The following STIM1 variants were observed in gnomAD, a reference collection of about 807,000 sequenced individuals.
STIM1 encodes stromal interaction molecule 1.
Under a neutral mutation model 74.7 loss-of-function variants are expected in STIM1, and 25 were observed. That is an observed-to-expected ratio of 0.33 (90% CI 0.24 to 0.47). The LOEUF (loss-of-function observed/expected upper bound fraction) is 0.47, where lower values mean the gene tolerates loss of function less well. STIM1 is among the 20% of genes least tolerant of loss of function. The pLI is 1.00. For missense variants in STIM1, 728 were observed against 920.8 expected, an observed-to-expected ratio of 0.79 and a Z score of 2.71; for synonymous variants, 328 against 348.8, an observed-to-expected ratio of 0.94 and a Z score of 0.66.
intron 2 of STIM1, among the ~76,000 whole-genome samples, chr11:3,972,284 CTT>C (rs1041108216): frequency 1.3e-5 from 2 of 152,110 alleles, no homozygotes; most frequent in Admixed American, 6.5e-5. Context: ...TGAAGTAAGT[CTT>C]TATTCCTACA....
At chr11:4,011,085 A>G (rs952900419) in intron 2 of STIM1, among the ~76,000 whole-genome samples, 1 of 152,180 alleles carries the variant, frequency 6.6e-6, no homozygotes, top group Non-Finnish European at 1.5e-5. Context: ...TCCATGGTGT[A>G]TATATGCCAC....
In STIM1 at chr11:3,927,769, A is replaced by G. The variant is rs114876459; in HGVS notation, c.140-39783A>G. ...GTTTTAGGCGTTGTTCTCGGCATCA[A>G]TCCCTGGTTTTTCACTTCTCCTTGT... is the stretch of plus-strand genomic sequence containing the variant. On this transcript the variant is annotated intron_variant, in intron 1 of 12. Coordinates refer to ENST00000526596, the MANE Select transcript of STIM1 (RefSeq NM_001382567.1). Among the ~76,000 whole-genome samples, 175 of 152,268 alleles carry G rather than the reference A, an allele frequency of 1.1e-3. 1 individual carries two copies. The highest frequency in any genetic ancestry group is 4.0e-3 in the African/African-American group (165 of 41,544).
chr11:3,900,926 C>T (rs184132868), intron 1 of STIM1, among the ~76,000 whole-genome samples: 1 of 152,198 alleles, frequency 6.6e-6, no homozygotes, highest in Non-Finnish European at 1.5e-5. Flanking sequence ...CACGGTGGCT[C>T]ACACCTGTAA....
At chr11:3,915,922 C>T (rs898551909) in intron 1 of STIM1, among the ~76,000 whole-genome samples, 6 of 151,940 alleles carry the variant, frequency 3.9e-5, no homozygotes, top group African/African-American at 7.2e-5. Flanking sequence ...AGCCAGGTTT[C>T]GTGCTGCATG....
At chr11:4,061,973 G>A (rs2094333978) in intron 5 of STIM1, among the ~76,000 whole-genome samples, 1 of 152,068 alleles carries the variant, frequency 6.6e-6, no homozygotes, top group South Asian at 2.1e-4. Flanking sequence ...GGTTGGCAGG[G>A]GTTGGTGGGA....
chr11:3,991,314 C>T (rs575382925), intron 2 of STIM1, among the ~76,000 whole-genome samples: 1 of 151,706 alleles, frequency 6.6e-6, no homozygotes, highest in South Asian at 2.1e-4. Context: ...GAACTACAGG[C>T]ATGCACCACT....
chr11:4,068,997 G>A (rs2094386344), intron 5 of STIM1, among the ~76,000 whole-genome samples: 1 of 152,164 alleles, frequency 6.6e-6, no homozygotes, highest in South Asian at 2.1e-4. Context: ...TGCACAGAGG[G>A]TCATTAGCCC....
At chr11:4,035,144 T>G (rs2094087641) in intron 3 of STIM1, among the ~76,000 whole-genome samples, 1 of 152,112 alleles carries the variant, frequency 6.6e-6, no homozygotes, top group Non-Finnish European at 1.5e-5. Context: ...TTTTTTAGTT[T>G]GGTAAGGTGA....
intron 3 of STIM1, among the ~76,000 whole-genome samples, chr11:4,045,367 A>G (rs2133022532): frequency 6.6e-6 from 1 of 152,232 alleles, no homozygotes; most frequent in Non-Finnish European, 1.5e-5. Context: ...ACTCCAGACC[A>G]TAGTAAATGA....
At chr11:3,948,021 T>C (rs571339089) in intron 1 of STIM1, among the ~76,000 whole-genome samples, 1 of 152,130 alleles carries the variant, frequency 6.6e-6, no homozygotes, top group East Asian at 1.9e-4. Context: ...GACACTCAAG[T>C]TCCATTCTAG....
At chr11:4,033,793 G>A (rs961037181) in intron 3 of STIM1, among the ~76,000 whole-genome samples, 3 of 151,364 alleles carry the variant, frequency 2.0e-5, no homozygotes, top group African/African-American at 7.3e-5. Context: ...TAGAGACGGG[G>A]TTTCACCGTG....
intron 7 of STIM1, among the ~76,000 whole-genome samples, chr11:4,079,249 C>T (rs959031197): frequency 2.0e-5 from 3 of 151,420 alleles, no homozygotes; most frequent in Non-Finnish European, 2.9e-5. Context: ...TGAGAGATCG[C>T]GCCACTGCAC....
rs909567850 is a variant in STIM1 at position 3,950,534 on chromosome 11, A to G, written c.140-17018A>G. ...ATATGGGCTGCTTCCAGTTTTGGGTATTACAAATAAAGCTTCTGTGAGCAT... is the reference window on the plus strand; with the variant it reads ...ATATGGGCTGCTTCCAGTTTTGGGTGTTACAAATAAAGCTTCTGTGAGCAT... On this transcript the variant is annotated intron_variant, in intron 1 of 12. Coordinates refer to ENST00000526596, the MANE Select transcript of STIM1 (RefSeq NM_001382567.1). Among the ~76,000 whole-genome samples the G allele has an allele frequency of 5.1e-4, 78 of 152,200 alleles. 1 individual carries two copies. The highest frequency in any genetic ancestry group is 1.8e-3 in the African/African-American group (75 of 41,454).
chr11:3,870,943 G>A (rs183365060), intron 1 of STIM1, among the ~76,000 whole-genome samples: 1,920 of 148,250 alleles, frequency 0.013, 43 homozygotes, highest in African/African-American at 0.045. Context: ...TGCGATCTCG[G>A]CTCACTGCAA....
At chr11:3,861,123 G>A (rs958104906) in intron 1 of STIM1, among the ~76,000 whole-genome samples, 3 of 152,024 alleles carry the variant, frequency 2.0e-5, no homozygotes, top group African/African-American at 7.2e-5. Flanking sequence ...TGGTTTCACT[G>A]TTTGGTAGCT....
chr11:4,043,326 A>G (rs1053331786), intron 3 of STIM1, among the ~76,000 whole-genome samples: 1 of 152,192 alleles, frequency 6.6e-6, no homozygotes, highest in Non-Finnish European at 1.5e-5. Context: ...ACCAGGGTAT[A>G]TCTTTACTAC....
At chr11:4,004,896 A>C (rs1341542643) in intron 2 of STIM1, among the ~76,000 whole-genome samples, 5 of 152,228 alleles carry the variant, frequency 3.3e-5, no homozygotes, top group Non-Finnish European at 5.9e-5. Context: ...ACAAGAAAAA[A>C]ACAGCCCCAT....
chr11:3,854,952 C>T (rs1278240630), upstream of STIM1: 1 of 152,350 alleles, frequency 6.6e-6, no homozygotes, highest in Non-Finnish European at 1.5e-5. Flanking sequence ...TCGTGGGCCT[C>T]CCCCGGGGCG....
intron 5 of STIM1, among the ~76,000 whole-genome samples, chr11:4,066,233 A>G (rs1237173366): frequency 3.3e-5 from 5 of 152,088 alleles, no homozygotes; most frequent in Non-Finnish European, 5.9e-5. Flanking sequence ...TGAAACCTCC[A>G]TGGTTACTCT....
Sources: gnomAD v4.1 joint callset for allele counts (sites outside exome capture counted in the v4.1 genomes callset) on GRCh38, gnomAD v4.1.1 for gene constraint, MANE v1.5 for transcripts, NCBI Gene and HGNC (gene_info 2026-07-23, HGNC 2026-07-21) for gene names.